Variants in GAPVD1 observed in about 807,000 individuals in gnomAD.
GAPVD1 encodes GTPase activating protein and VPS9 domains 1, also known as GTPase-activating protein and VPS9 domain-containing protein 1.
In GAPVD1, 35 loss-of-function variants were observed where a neutral mutation model predicts 155.5. The observed-to-expected ratio is 0.23, with a 90% confidence interval of 0.17 to 0.30. GAPVD1 has a LOEUF of 0.30. GAPVD1 is among the 10% of genes least tolerant of loss of function. The pLI, the probability that GAPVD1 is intolerant of heterozygous loss-of-function variation, is 1.00. For synonymous variants in GAPVD1, 636 were observed against 619.7 expected, an observed-to-expected ratio of 1.03 and a Z score of -0.39; for missense variants, 1,429 against 1,775.7, an observed-to-expected ratio of 0.80 and a Z score of 3.51.
chr9:125,347,473 C>T (rs1160109473), intron 20 of GAPVD1, among the ~76,000 whole-genome samples: 1 of 152,104 alleles, frequency 6.6e-6, no homozygotes, highest in Non-Finnish European at 1.5e-5. Context: ...CACCTGTAAT[C>T]CCAGCACTTT....
chr9:125,280,396 C>CAAAAAAAAAAAAAAAAAAAAAA (rs750354567), intron 2 of GAPVD1, among the ~76,000 whole-genome samples: 1 of 57,338 alleles, frequency 1.7e-5, no homozygotes, highest in Non-Finnish European at 3.1e-5. Context: ...AAGTCCATCT[C>CAAAAAAAAAAAAAAAAAAAAAA]AAAAAAAAAA....
In GAPVD1 at chr9:125,326,438, T is replaced by C; in HGVS notation, c.1881T>C (p.Asp627=). Residue 627 remains aspartate (D), a synonymous_variant, in exon 12 of 28, where the codon GAT becomes GAC. Transcript: ENST00000297933. The part of the protein sequence containing the change: ...HEQATTQDNL[D]DKLRKFEIRD... ...TAGCTACAACACAGGATAACCTTGA[T>C]GATAAGCTAAGGAAGTTTGAAATTC... The C allele has an allele frequency of 6.2e-7, 1 of 1,612,580 alleles. No individual in the cohort carries two copies. Among genetic ancestry groups the C allele is most frequent in the South Asian group, 1.1e-5 (1 of 91,036 alleles).
chr9:125,309,241 C>T (rs1842303550), intron 8 of GAPVD1: 4 of 151,950 alleles, frequency 2.6e-5, no homozygotes. Context: ...CTCTTCAAGT[C>T]TTTGTCTTAT....
At chr9:125,354,066 G>A (rs1353144722) in intron 23 of GAPVD1, among the ~76,000 whole-genome samples, 3 of 152,170 alleles carry the variant, frequency 2.0e-5, no homozygotes, top group Non-Finnish European at 4.4e-5. Flanking sequence ...GACCAGAGAA[G>A]CAGATGTAAG....
At chr9:125,336,302 AAAAC>A (rs1846963137) in intron 15 of GAPVD1, among the ~76,000 whole-genome samples, 1 of 151,060 alleles carries the variant, frequency 6.6e-6, no homozygotes, top group Admixed American at 6.7e-5. Context: ...AAAAAAAAAA[AAAAC>A]AAAAAACAAA....
chr9:125,332,276 G>A lies in GAPVD1; in HGVS notation c.2308+216G>A, dbSNP rs1416325628. On this transcript the variant is annotated intron_variant, in intron 14 of 27. Coordinates refer to ENST00000297933, the MANE Select transcript of GAPVD1 (RefSeq NM_001282680.3). ...ATTGGCAAACAGTCTCTCTACAACTGTTTCTGTTCTTAGTAGCCTGTCCTA... is the reference window on the plus strand; with the variant it reads ...ATTGGCAAACAGTCTCTCTACAACTATTTCTGTTCTTAGTAGCCTGTCCTA... Among the ~76,000 whole-genome samples, 5 of 152,174 alleles carry A rather than the reference G, an allele frequency of 3.3e-5. No individual in the cohort carries two copies. In the East Asian group the frequency reaches 9.6e-4, roughly 29 times the overall value.
intron 10 of GAPVD1, among the ~76,000 whole-genome samples, chr9:125,322,976 C>T (rs868115097): frequency 3.6e-4 from 54 of 149,610 alleles, no homozygotes; most frequent in African/African-American, 1.0e-3. Flanking sequence ...TTGCTTGAAC[C>T]AGGGAGGCGG....
At chr9:125,341,429 C>T (rs1039176648) in intron 18 of GAPVD1, 165 bp downstream of exon 18, 1 of 546,180 alleles carries the variant, frequency 1.8e-6, no homozygotes, top group Non-Finnish European at 3.2e-6. Context: ...AATGCTAAGG[C>T]AGAGCTTTAG....
chr9:125,329,124 A>G (rs1030276369), intron 12 of GAPVD1, among the ~76,000 whole-genome samples: 4 of 152,126 alleles, frequency 2.6e-5, no homozygotes, highest in Non-Finnish European at 5.9e-5. Flanking sequence ...GGAGAGGGAG[A>G]GGGAGAGGGA....
In GAPVD1 at chr9:125,355,689, A is replaced by T; in HGVS notation, c.3803A>T (p.Glu1268Val). ...GCTGACGATAAAACTGCTCAGGTAG[A>T]AGATTTTCTGCAGTTTCTTTATGGT... is the stretch of plus-strand genomic sequence containing the variant. ...TAADDKTAQV[E>V]DFLQFLYGAM... Residue 1268 changes from glutamate to valine, a missense_variant, in exon 25 of 28, where the codon GAA becomes GTA. Physicochemically the swap from Glu to Val is moderately radical, Grantham distance 121. Coordinates refer to ENST00000297933, the MANE Select transcript of GAPVD1 (RefSeq NM_001282680.3). The T allele has an allele frequency of 6.2e-7, 1 of 1,613,890 alleles. No individual in the cohort carries two copies. The highest frequency in any genetic ancestry group is 8.5e-7 in the Non-Finnish European group (1 of 1,179,764).
At position 125,337,564 on chromosome 9, in the gene GAPVD1, C is replaced by T. The variant is rs766881029; in HGVS notation, c.2850C>T (p.Ser950=). ...CTGCACCTCATTCATCATCTTCATC[C>T]CCGAGTAAGGACTCCTCAAGAGGAG... ...LVAAPHSSSS[S]PSKDSSRGET... The change falls in exon 17 of 28, where the codon TCC becomes TCT. Residue 950 remains serine (S), a synonymous_variant. Coordinates refer to ENST00000297933, the MANE Select transcript of GAPVD1 (RefSeq NM_001282680.3). 1.1e-5 allele frequency: 17 copies of T among 1,613,930 alleles called. No individual in the cohort carries two copies. The highest frequency in any genetic ancestry group is 1.1e-5 in the Non-Finnish European group (13 of 1,179,906).
At chr9:125,354,072 G>T (rs899158938) in intron 23 of GAPVD1, among the ~76,000 whole-genome samples, 1 of 152,202 alleles carries the variant, frequency 6.6e-6, no homozygotes, top group African/African-American at 2.4e-5. Flanking sequence ...AGAAGCAGAT[G>T]TAAGTAGCCT....
intron 2 of GAPVD1, among the ~76,000 whole-genome samples, chr9:125,282,269 C>G (rs967432272): frequency 2.6e-5 from 4 of 152,122 alleles, no homozygotes; most frequent in Admixed American, 1.3e-4. Flanking sequence ...CAGAGCGAGA[C>G]TCCGTCTCAA....
intron 1 of GAPVD1, chr9:125,263,683 ACAGCACTCCATCTGTAGGTATGTCTGT>A (rs71374244): frequency 0.49 from 400,141 of 811,452 alleles, 102,521 homozygotes; most frequent in African/African-American, 0.57. Context: ...ACTAAGTGGC[ACAGCACTCCATCTGTAGGTATGTCTGT>A]CAGCACTCCA....
chr9:125,332,111 A>G (rs777952437), intron 14 of GAPVD1, 51 bp downstream of exon 14: 1 of 1,522,598 alleles, frequency 6.6e-7, no homozygotes, highest in South Asian at 1.2e-5. Flanking sequence ...TTCACCCCCT[A>G]CCCCCTCCTA....
chr9:125,347,216 G>T (rs993744721), intron 20 of GAPVD1, among the ~76,000 whole-genome samples: 4 of 152,124 alleles, frequency 2.6e-5, no homozygotes, highest in African/African-American at 9.7e-5. Context: ...TTTAATGGGA[G>T]GAGGTTCTTT....
rs182326802 is a variant in GAPVD1, at chr9:125,280,264, T to C, written c.-150+11280T>C. On this transcript the variant is annotated intron_variant, in intron 2 of 27. Transcript: ENST00000297933. ...ATACAAAATCAGTCAGGCATGGTGG[T>C]GCATGCCTGTAATCCCAGCTACTTG... is the stretch of plus-strand genomic sequence containing the variant. Among the ~76,000 whole-genome samples, 759 of 150,622 alleles carry C rather than the reference T, an allele frequency of 5.0e-3. 9 individuals carry two copies. Among genetic ancestry groups the C allele is most frequent in the African/African-American group, 0.017 (712 of 41,318 alleles).
chr9:125,293,207 A>G (rs1222606834), intron 2 of GAPVD1, among the ~76,000 whole-genome samples: 1 of 152,092 alleles, frequency 6.6e-6, no homozygotes, highest in Non-Finnish European at 1.5e-5. Flanking sequence ...GAAATAGAAA[A>G]GTCTGAAAGA....
chr9:125,301,883 A>T, intron 4 of GAPVD1, 100 bp from the exon 5 acceptor site: 2 of 966,456 alleles, frequency 2.1e-6, no homozygotes, highest in Non-Finnish European at 2.9e-6. Flanking sequence ...CATTGTTGGG[A>T]CCATAATCAA....
Sources: allele counts gnomAD v4.1 joint callset (sites outside exome capture counted in the v4.1 genomes callset), GRCh38; gene constraint gnomAD v4.1.1; transcripts MANE v1.5; gene names NCBI Gene and HGNC (gene_info 2026-07-23, HGNC 2026-07-21).